CDK19: variants seen among roughly 807,000 people sequenced by gnomAD.
The protein encoded by CDK19 is cyclin-dependent kinase 19.
In CDK19, 20 loss-of-function variants were observed where a neutral mutation model predicts 68.3. The observed-to-expected ratio is 0.29, with a 90% confidence interval of 0.21 to 0.43. CDK19 has a LOEUF of 0.43. CDK19 is among the 20% of genes least tolerant of loss of function. The pLI, the probability that CDK19 is intolerant of heterozygous loss-of-function variation, is 1.00. For synonymous variants in CDK19, 221 were observed against 222.8 expected (o/e 0.99, Z 0.07); for missense variants, 339 against 623.5 (o/e 0.54, Z 4.86).
intron 5 of CDK19, among the ~76,000 whole-genome samples, chr6:110,632,416 A>T (rs903400967): frequency 1.3e-5 from 2 of 152,194 alleles, no homozygotes; most frequent in African/African-American, 4.8e-5. Flanking sequence ...TGCCTGTTTT[A>T]CTGATGAAGG....
At chr6:110,814,637 C>A in intron 1 of CDK19, 1 of 483,176 alleles carries the variant, frequency 2.1e-6, no homozygotes, top group South Asian at 1.5e-5. Context: ...AGGGCCGGAG[C>A]GGCAACTCCG....
chr6:110,674,464 G>A (rs575534923), intron 2 of CDK19, among the ~76,000 whole-genome samples: 1 of 152,278 alleles, frequency 6.6e-6, no homozygotes, highest in East Asian at 1.9e-4. Context: ...GCCAAGTTGT[G>A]AATGCAAAGA....
At chr6:110,694,960 T>C (rs1376932325) in intron 2 of CDK19, among the ~76,000 whole-genome samples, 1 of 151,930 alleles carries the variant, frequency 6.6e-6, no homozygotes, top group East Asian at 1.9e-4. Context: ...CTACTAAAAA[T>C]AGAAAAATTA....
At chr6:110,741,398 G>T (rs530398993) in intron 2 of CDK19, among the ~76,000 whole-genome samples, 1 of 151,856 alleles carries the variant, frequency 6.6e-6, no homozygotes, top group East Asian at 1.9e-4. Flanking sequence ...GCAGGTCAAG[G>T]CTGCAGCGAG....
intron 1 of CDK19, among the ~76,000 whole-genome samples, chr6:110,779,080 C>G (rs1295696212): frequency 6.6e-6 from 1 of 152,180 alleles, no homozygotes; most frequent in Non-Finnish European, 1.5e-5. Flanking sequence ...CACCTTTACA[C>G]TGCTGTATCA....
intron 3 of CDK19, among the ~76,000 whole-genome samples, chr6:110,668,072 C>T (rs187448703): frequency 4.6e-5 from 7 of 151,922 alleles, no homozygotes; most frequent in African/African-American, 1.2e-4. Flanking sequence ...TATGAAATTG[C>T]TAAAAAGGAA....
chr6:110,669,527 T>A (rs188867750), intron 3 of CDK19, among the ~76,000 whole-genome samples: 1 of 152,284 alleles, frequency 6.6e-6, no homozygotes, highest in Non-Finnish European at 1.5e-5. Flanking sequence ...ATGCCTATAA[T>A]CTCAACAGTT....
chr6:110,777,328 A>G (rs1312417349), intron 1 of CDK19, among the ~76,000 whole-genome samples: 1 of 152,214 alleles, frequency 6.6e-6, no homozygotes, highest in Non-Finnish European at 1.5e-5. Context: ...GAGTAGCAAG[A>G]CTAAGTATTT....
At chr6:110,627,410 C>T (rs1779161037) in intron 6 of CDK19, among the ~76,000 whole-genome samples, 1 of 151,800 alleles carries the variant, frequency 6.6e-6, no homozygotes, top group Non-Finnish European at 1.5e-5. Flanking sequence ...AATTGAAAGC[C>T]AAGTAATAAA....
intron 2 of CDK19, among the ~76,000 whole-genome samples, chr6:110,734,517 A>ACCTCTCTCTCTCT (rs1777044224): frequency 4.0e-5 from 1 of 25,308 alleles, no homozygotes; most frequent in East Asian, 4.8e-4. Context: ...GAGGGTGAGC[A>ACCTCTCTCTCTCT]CTGCTCTCTC....
intron 12 of CDK19, among the ~76,000 whole-genome samples, chr6:110,617,662 TACACACACACAC>T (rs561387463): frequency 1.4e-3 from 149 of 107,158 alleles, no homozygotes; most frequent in African/African-American, 3.8e-3. Context: ...TATATATATA[TACACACACACAC>T]ACACACACAC....
At chr6:110,750,860 G>C (rs2114903140) in intron 1 of CDK19, among the ~76,000 whole-genome samples, 1 of 152,286 alleles carries the variant, frequency 6.6e-6, no homozygotes, top group East Asian at 1.9e-4. Flanking sequence ...TTCTGAGACA[G>C]AGTCTCACTC....
intron 2 of CDK19, among the ~76,000 whole-genome samples, chr6:110,706,101 G>A (rs1774447336): frequency 6.6e-6 from 1 of 152,138 alleles, no homozygotes; most frequent in Non-Finnish European, 1.5e-5. Context: ...CGCCCAGGCT[G>A]GAGTGCAATG....
chr6:110,784,457 G>A (rs1781057945), intron 1 of CDK19, among the ~76,000 whole-genome samples: 2 of 152,104 alleles, frequency 1.3e-5, no homozygotes, highest in African/African-American at 4.8e-5. Context: ...CCACAAGGAT[G>A]ACTAAAATCA....
intron 4 of CDK19, among the ~76,000 whole-genome samples, chr6:110,657,867 A>C (rs1781398572): frequency 6.6e-6 from 1 of 152,172 alleles, no homozygotes; most frequent in Non-Finnish European, 1.5e-5. Context: ...CCCTCTTGGA[A>C]GTGGGATTCT....
intron 2 of CDK19, among the ~76,000 whole-genome samples, chr6:110,693,685 C>T (rs1046048762): frequency 2.2e-4 from 33 of 152,132 alleles, no homozygotes; most frequent in African/African-American, 8.0e-4. Context: ...CATAATTCCC[C>T]TTGGAACATA....
intron 1 of CDK19, among the ~76,000 whole-genome samples, chr6:110,766,072 T>C (rs1240244264): frequency 6.6e-6 from 1 of 152,104 alleles, no homozygotes; most frequent in African/African-American, 2.4e-5. Flanking sequence ...AGAAATACCA[T>C]ATGATCCAGC....
At chr6:110,671,050 C>T (rs1770968109) in intron 2 of CDK19, among the ~76,000 whole-genome samples, 1 of 152,034 alleles carries the variant, frequency 6.6e-6, no homozygotes, top group Non-Finnish European at 1.5e-5. Flanking sequence ...CTGTACTTAT[C>T]CATCCCTAGA....
intron 2 of CDK19, among the ~76,000 whole-genome samples, chr6:110,734,966 G>T (rs1421756752): frequency 1.3e-5 from 2 of 152,050 alleles, no homozygotes; most frequent in Admixed American, 1.3e-4. Flanking sequence ...GATTAGTAAT[G>T]ACCTCAAATT....
Sources: allele counts gnomAD v4.1 joint callset (sites outside exome capture counted in the v4.1 genomes callset), GRCh38; gene constraint gnomAD v4.1.1; transcripts MANE v1.5; gene names NCBI Gene and HGNC (gene_info 2026-07-23, HGNC 2026-07-21).